Variants in FOCAD observed in about 807,000 individuals in gnomAD.
FOCAD encodes the protein focadhesin, also known as KIAA1797.
Under a neutral mutation model 225.6 loss-of-function variants are expected in FOCAD, and 198 were observed. The ratio of observed to expected loss-of-function variants is 0.88; its 90% CI spans 0.78 to 0.99. The LOEUF (loss-of-function observed/expected upper bound fraction) is 0.99, where lower values mean the gene tolerates loss of function less well. Among genes scored for constraint, FOCAD ranks in the 50% least tolerant of loss-of-function variants. The probability of loss-of-function intolerance (pLI) is 0.00; values close to 1 mark genes in which losing one functional copy is unlikely to be tolerated. For missense variants in FOCAD, 2,713 were observed against 2,123.6 expected (o/e 1.28, Z -5.46); for synonymous variants, 897 against 755.0 (o/e 1.19, Z -3.08).
chr9:20,952,951 C>T (rs557317454), intron 34 of FOCAD, 34 bp from the exon 35 acceptor site: 27 of 1,552,338 alleles, frequency 1.7e-5, no homozygotes, highest in South Asian at 4.5e-5. Flanking sequence ...CTGCCAAGTT[C>T]ACTGGTTAAT....
intron 14 of FOCAD, among the ~76,000 whole-genome samples, chr9:20,822,394 G>T (rs941167566): frequency 7.2e-5 from 11 of 152,034 alleles, no homozygotes; most frequent in Non-Finnish European, 1.5e-4. Flanking sequence ...GAAATTAATG[G>T]TATTCTGGGG....
At chr9:20,888,822 C>G (rs1302331614) in intron 21 of FOCAD, among the ~76,000 whole-genome samples, 1 of 152,114 alleles carries the variant, frequency 6.6e-6, no homozygotes, top group Non-Finnish European at 1.5e-5. Context: ...TACTGCCATC[C>G]ATTTAAGATG....
intron 35 of FOCAD, among the ~76,000 whole-genome samples, chr9:20,973,125 C>G (rs1839907787): frequency 6.6e-6 from 1 of 151,558 alleles, no homozygotes; most frequent in Non-Finnish European, 1.5e-5. Flanking sequence ...TCAGTATCAT[C>G]TGATGTGGCC....
intron 42 of FOCAD, among the ~76,000 whole-genome samples, chr9:20,992,428 G>T (rs1278510362): frequency 1.3e-5 from 2 of 152,070 alleles, no homozygotes; most frequent in East Asian, 3.8e-4. Context: ...TCTATTTACT[G>T]CCCAGCCTAG....
At chr9:20,977,833 G>T (rs896123647) in intron 36 of FOCAD, among the ~76,000 whole-genome samples, 1 of 152,116 alleles carries the variant, frequency 6.6e-6, no homozygotes, top group African/African-American at 2.4e-5. Flanking sequence ...TCCTTGTTTG[G>T]TGTGCTATAT....
intron 42 of FOCAD, 137 bp from the exon 43 acceptor site, chr9:20,993,116 C>G: frequency 1.5e-6 from 1 of 653,080 alleles, no homozygotes; most frequent in Non-Finnish European, 2.7e-6. Flanking sequence ...GAAGGTATTG[C>G]CTAAGAACTG....
At chr9:20,947,243 A>G (rs146573819) in intron 30 of FOCAD, among the ~76,000 whole-genome samples, 61 of 152,364 alleles carry the variant, frequency 4.0e-4, no homozygotes, top group African/African-American at 1.3e-3. Context: ...CCAAATATGT[A>G]TAAGAAAATT....
chr9:20,989,675 TGAA>T (rs762002484), intron 41 of FOCAD, among the ~76,000 whole-genome samples: 3 of 152,146 alleles, frequency 2.0e-5, no homozygotes, highest in Non-Finnish European at 1.5e-5. Flanking sequence ...TTAAAAAAAA[TGAA>T]GAAAGACTTG....
At chr9:20,987,681 T>C (rs937476178) in intron 40 of FOCAD, among the ~76,000 whole-genome samples, 5 of 152,188 alleles carry the variant, frequency 3.3e-5, no homozygotes, top group African/African-American at 1.2e-4. Context: ...GTGTTTCAAA[T>C]GAAGCATGAA....
chr9:20,797,926 G>A (rs990401634), intron 11 of FOCAD, among the ~76,000 whole-genome samples: 9 of 152,082 alleles, frequency 5.9e-5, no homozygotes, highest in African/African-American at 2.2e-4. Context: ...TCTTGTGCCG[G>A]TTTTCAAAGG....
intron 15 of FOCAD, among the ~76,000 whole-genome samples, chr9:20,856,077 A>G (rs772966408): frequency 6.6e-6 from 1 of 151,836 alleles, no homozygotes; most frequent in Non-Finnish European, 1.5e-5. Flanking sequence ...TCTTTGATGT[A>G]CTGATTTCCT....
At chr9:20,818,168 T>C (rs1823929662) in intron 11 of FOCAD, among the ~76,000 whole-genome samples, 1 of 152,170 alleles carries the variant, frequency 6.6e-6, no homozygotes, top group South Asian at 2.1e-4. Flanking sequence ...TGGCCATTTG[T>C]TTATCATCTT....
At chr9:20,709,375 A>G (rs750030318) in intron 1 of FOCAD, among the ~76,000 whole-genome samples, 76 of 152,182 alleles carry the variant, frequency 5.0e-4, no homozygotes, top group Non-Finnish European at 9.6e-4. Flanking sequence ...CCTTTTAGTA[A>G]AATGGCATGA....
intron 28 of FOCAD, among the ~76,000 whole-genome samples, chr9:20,933,824 T>C (rs1835706815): frequency 6.6e-6 from 1 of 152,198 alleles, no homozygotes; most frequent in Non-Finnish European, 1.5e-5. Flanking sequence ...TAGTTTACAC[T>C]CCCACTAGCA....
Position 20,825,967 on chromosome 9 carries a change from T to C in FOCAD, c.1920+2852T>C, listed in dbSNP as rs548710335. Among the ~76,000 whole-genome samples the C allele has an allele frequency of 7.3e-4, 111 of 152,230 alleles. 1 individual carries two copies. The highest frequency in any genetic ancestry group is 2.5e-3 in the African/African-American group (103 of 41,566). On this transcript the variant is annotated intron_variant, in intron 15 of 43. Transcript: ENST00000338382. ...CATAAAGGCAAGAATTTAGTCTGGC[T>C]GTCTGGAATTGGTAAAGAGAAATTT...
chr9:20,664,475 G>A (rs2131263875), intron 2 of FOCAD, among the ~76,000 whole-genome samples: 1 of 151,338 alleles, frequency 6.6e-6, no homozygotes, highest in Middle Eastern at 3.4e-3. Context: ...AAACAAGTAG[G>A]GCTTCATCAG....
intron 10 of FOCAD, among the ~76,000 whole-genome samples, chr9:20,785,403 C>T (rs10123723): frequency 2.0e-5 from 3 of 151,944 alleles, no homozygotes; most frequent in Admixed American, 2.0e-4. Flanking sequence ...CTAATTCCCC[C>T]CTTTTTTCCT....
intron 35 of FOCAD, among the ~76,000 whole-genome samples, chr9:20,953,961 A>G (rs1837915945): frequency 6.6e-6 from 1 of 152,184 alleles, no homozygotes; most frequent in Non-Finnish European, 1.5e-5. Context: ...GTAAAATGTT[A>G]CCTTTGGAAG....
At chr9:20,857,972 T>C (rs1288802603) in intron 15 of FOCAD, among the ~76,000 whole-genome samples, 1 of 152,028 alleles carries the variant, frequency 6.6e-6, no homozygotes. Context: ...ATCTTTTTAA[T>C]GTATTGTTGA....
Sources: allele counts gnomAD v4.1 joint callset (sites outside exome capture counted in the v4.1 genomes callset), GRCh38; gene constraint gnomAD v4.1.1; transcripts MANE v1.5; gene names NCBI Gene and HGNC (gene_info 2026-07-23, HGNC 2026-07-21).